The following PRKCQ variants were observed in gnomAD, a reference collection of about 807,000 sequenced individuals.
The protein encoded by PRKCQ is protein kinase C theta type.
A neutral mutation model predicts 91.2 loss-of-function variants in PRKCQ; 41 were observed. The ratio of observed to expected loss-of-function variants is 0.45; its 90% CI spans 0.35 to 0.58. PRKCQ has a LOEUF of 0.58. PRKCQ is among the 20% of genes least tolerant of loss of function. The pLI, the probability that PRKCQ is intolerant of heterozygous loss-of-function variation, is 0.00. For synonymous variants in PRKCQ, 307 were observed against 316.9 expected (o/e 0.97, Z 0.33); for missense variants, 673 against 896.5 (o/e 0.75, Z 3.18).
At chr10:6,502,544 T>C (rs931140796) in intron 4 of PRKCQ, among the ~76,000 whole-genome samples, 3 of 152,168 alleles carry the variant, frequency 2.0e-5, no homozygotes, top group East Asian at 1.9e-4. Flanking sequence ...TTGAACACTT[T>C]CCTGCAGACA....
the PRKCQ span, among the ~76,000 whole-genome samples, chr10:6,404,370 C>T: frequency 2.3e-5 from 3 of 132,670 alleles, no homozygotes; most frequent in East Asian, 1.1e-3. Context: ...ACAATGGATT[C>T]ATTCTTTCTT....
intron 11 of PRKCQ, among the ~76,000 whole-genome samples, chr10:6,481,064 G>A (rs969819152): frequency 2.6e-5 from 4 of 152,194 alleles, no homozygotes; most frequent in Non-Finnish European, 4.4e-5. Context: ...AAGAGAAACA[G>A]CCATCCTGTC....
chr10:6,562,652 A>G (rs905111397), intron 1 of PRKCQ, among the ~76,000 whole-genome samples: 34 of 152,228 alleles, frequency 2.2e-4, no homozygotes, highest in Admixed American at 2.0e-3. Flanking sequence ...ATAAGTCAGT[A>G]GATAAGGTAT....
chr10:6,433,669 T>G (rs1833528453), intron 16 of PRKCQ, among the ~76,000 whole-genome samples: 1 of 152,100 alleles, frequency 6.6e-6, no homozygotes, highest in Admixed American at 6.6e-5. Context: ...AAATGACACC[T>G]GCACCCCATA....
chr10:6,456,741 T>A lies in PRKCQ; in HGVS notation c.1580A>T (p.Lys527Met). ...CTTGGCATCTCCTAACATGTTCTCC[T>A]TGCACATTCCAAAATCCGCGATCTT... ...HIKIADFGMC[K>M]ENMLGDAKTN... The change falls in exon 15 of 18, where the codon AAG (lysine) becomes ATG (methionine). Residue 527 changes from lysine (K) to methionine (M), a missense_variant. By Grantham distance (95) the Lys-to-Met change is moderately conservative. Transcript: ENST00000263125. The A allele has an allele frequency of 6.2e-7, 1 of 1,614,194 alleles. No individual in the cohort carries two copies. Among genetic ancestry groups the A allele is most frequent in the Non-Finnish European group, 8.5e-7 (1 of 1,180,018 alleles).
rs1254404683 is a variant in PRKCQ at position 6,489,253 on chromosome 10, T to A, written c.790+2430A>T. On this transcript the variant is annotated intron_variant, in intron 8 of 17. Coordinates refer to ENST00000263125, the MANE Select transcript of PRKCQ (RefSeq NM_006257.5). ...ATCACCGTGACACCAAGTGAGGTTGTCAGCTAGGATTGAACATAGAGGGAT... is the reference window on the plus strand; with the variant it reads ...ATCACCGTGACACCAAGTGAGGTTGACAGCTAGGATTGAACATAGAGGGAT... The A allele has an allele frequency of 7.1e-6, 3 of 423,524 alleles. No homozygotes were observed. The East Asian group carries it at 2.2e-4, about 30-fold the overall frequency. 26.2% of individuals were successfully genotyped at this position (423,524 alleles called of 1,614,324 possible).
intron 1 of PRKCQ, among the ~76,000 whole-genome samples, chr10:6,532,827 A>G (rs2130902711): frequency 6.6e-6 from 1 of 152,332 alleles, no homozygotes; most frequent in South Asian, 2.1e-4. Context: ...TCTAAGAGAT[A>G]TTGGTAATTT....
chr10:6,406,966 C>A, the PRKCQ span, among the ~76,000 whole-genome samples: 1 of 152,112 alleles, frequency 6.6e-6, no homozygotes, highest in Non-Finnish European at 1.5e-5. Flanking sequence ...GAATGCACTT[C>A]GAATATGCAA....
At chr10:6,525,577 A>G (rs1839169626) in intron 1 of PRKCQ, among the ~76,000 whole-genome samples, 1 of 152,252 alleles carries the variant, frequency 6.6e-6, no homozygotes, top group East Asian at 1.9e-4. Context: ...CCTTACAACT[A>G]ATTCTGATTT....
chr10:6,442,444 G>A (rs1482930092), intron 15 of PRKCQ, among the ~76,000 whole-genome samples: 1 of 152,182 alleles, frequency 6.6e-6, no homozygotes, highest in Non-Finnish European at 1.5e-5. Context: ...AGTGGCTCTG[G>A]TGTGAGCCTG....
intron 2 of PRKCQ, among the ~76,000 whole-genome samples, chr10:6,513,976 A>G (rs1838622173): frequency 6.6e-6 from 1 of 151,914 alleles, no homozygotes; most frequent in African/African-American, 2.4e-5. Flanking sequence ...TGCTGTTTGT[A>G]TTTTTGTTTA....
At chr10:6,512,920 G>A (rs371470800) in intron 2 of PRKCQ, among the ~76,000 whole-genome samples, 4 of 152,036 alleles carry the variant, frequency 2.6e-5, no homozygotes, top group Non-Finnish European at 4.4e-5. Flanking sequence ...AGAAACCAAC[G>A]GCAATATTAA....
chr10:6,518,808 ACT>A (rs1838884315), intron 1 of PRKCQ, among the ~76,000 whole-genome samples: 1 of 152,152 alleles, frequency 6.6e-6, no homozygotes, highest in South Asian at 2.1e-4. Context: ...ACAGAGCAAG[ACT>A]CTGTCTTAAA....
At chr10:6,482,359 G>A (rs929878876) in intron 11 of PRKCQ, among the ~76,000 whole-genome samples, 1 of 152,190 alleles carries the variant, frequency 6.6e-6, no homozygotes, top group Admixed American at 6.5e-5. Flanking sequence ...CTACTAGGGA[G>A]CTGAGACAGG....
intron 15 of PRKCQ, among the ~76,000 whole-genome samples, chr10:6,445,163 A>G (rs1012971716): frequency 1.4e-5 from 2 of 148,006 alleles, no homozygotes; most frequent in African/African-American, 5.0e-5. Context: ...CAGACATTCC[A>G]GTATTTTCTA....
chr10:6,430,659 G>C lies in PRKCQ; in HGVS notation c.1965+151C>G. ...CCCTGCCCCACCAGCCCAGTAACAT[G>C]TGTTAGAGACGTGCATTCCTCCTGG... On this transcript the variant is annotated intron_variant, in intron 17 of 17. Transcript: ENST00000263125. The surrounding 1 kb of genome is among the most constrained non-coding windows in gnomAD (Gnocchi z 4.7). The C allele has an allele frequency of 8.5e-7, 1 of 1,180,620 alleles. No homozygotes were observed. Among genetic ancestry groups the C allele is most frequent in the African/African-American group, 1.5e-5 (1 of 65,042 alleles). The allele number at this position is 1,180,620 out of a possible 1,614,324, so 73.1% of individuals were successfully genotyped here. A position where few individuals can be genotyped will look rare whatever the true frequency, so the allele number is the denominator to read the frequency against.
chr10:6,406,955 C>T, the PRKCQ span, among the ~76,000 whole-genome samples: 219 of 152,242 alleles, frequency 1.4e-3, no homozygotes, highest in African/African-American at 5.1e-3. Context: ...TTGAAATGAA[C>T]GAATGCACTT....
intron 8 of PRKCQ, chr10:6,489,523 G>A (rs571228456): frequency 2.4e-5 from 12 of 505,604 alleles, no homozygotes; most frequent in Non-Finnish European, 4.5e-5. Context: ...TTAAGACGAC[G>A]GCCTGCAAGG....
chr10:6,501,555 C>T (rs1345700047), intron 4 of PRKCQ, among the ~76,000 whole-genome samples: 1 of 151,928 alleles, frequency 6.6e-6, no homozygotes, highest in Non-Finnish European at 1.5e-5. Flanking sequence ...GGCGTGGTAG[C>T]TTACAACTGT....
Sources: allele counts gnomAD v4.1 joint callset (sites outside exome capture counted in the v4.1 genomes callset), GRCh38; gene constraint gnomAD v4.1.1; non-coding constraint Gnocchi (gnomAD v3.1); transcripts MANE v1.5; gene names NCBI Gene and HGNC (gene_info 2026-07-23, HGNC 2026-07-21).